TRAK1: variants seen among roughly 807,000 people sequenced by gnomAD.
TRAK1 encodes the protein trafficking kinesin protein 1, also known as trafficking kinesin-binding protein 1.
Under a neutral mutation model 92.1 loss-of-function variants are expected in TRAK1, and 33 were observed. The ratio of observed to expected loss-of-function variants is 0.36; its 90% CI spans 0.27 to 0.48. The LOEUF is 0.48. TRAK1 is among the 20% of genes least tolerant of loss of function. The pLI is 0.99. For synonymous variants in TRAK1, 521 were observed against 517.3 expected (o/e 1.01, Z -0.10); for missense variants, 1,123 against 1,257.9 (o/e 0.89, Z 1.62).
chr3:42,140,487 C>T (rs531274437), intron 2 of TRAK1, among the ~76,000 whole-genome samples: 1 of 152,106 alleles, frequency 6.6e-6, no homozygotes, highest in Non-Finnish European at 1.5e-5. Context: ...ATTAGCCACG[C>T]GTGGTGGCAC....
At chr3:42,098,827 G>T (rs1248800173) in intron 1 of TRAK1, among the ~76,000 whole-genome samples, 2 of 152,150 alleles carry the variant, frequency 1.3e-5, no homozygotes, top group African/African-American at 4.8e-5. Context: ...TGGACAGGTG[G>T]TTTCATCCAG....
intron 1 of TRAK1, among the ~76,000 whole-genome samples, chr3:42,042,713 G>C (rs573290288): frequency 6.6e-6 from 1 of 152,038 alleles, no homozygotes; most frequent in Admixed American, 6.6e-5. Context: ...CTTCTGAGTA[G>C]AAATTTCTTC....
intron 1 of TRAK1, among the ~76,000 whole-genome samples, chr3:42,024,625 A>G (rs1460680634): frequency 1.3e-5 from 2 of 152,254 alleles, no homozygotes; most frequent in Admixed American, 1.3e-4. Flanking sequence ...TTAACAGTAG[A>G]TGAAGTTAAT....
intron 1 of TRAK1, among the ~76,000 whole-genome samples, chr3:42,123,960 T>TA (rs1203506157): frequency 2.0e-5 from 3 of 152,014 alleles, no homozygotes; most frequent in Non-Finnish European, 4.4e-5. Flanking sequence ...CTGGGCAACA[T>TA]AGGGACCTTG....
chr3:42,097,980 T>C (rs138859614), intron 1 of TRAK1, among the ~76,000 whole-genome samples: 3 of 152,290 alleles, frequency 2.0e-5, no homozygotes, highest in African/African-American at 4.8e-5. Context: ...CGGAGGAGTA[T>C]CTTGGAGGAC....
At chr3:42,176,285 T>C (rs1249414530) in intron 2 of TRAK1, among the ~76,000 whole-genome samples, 1 of 152,208 alleles carries the variant, frequency 6.6e-6, no homozygotes, top group African/African-American at 2.4e-5. Context: ...AACCTTAGAA[T>C]GTAGGCCACT....
In TRAK1 at chr3:42,176,900, C is replaced by T. The variant is rs371709809; in HGVS notation, c.363+10C>T. On this transcript the variant is annotated intron_variant, in intron 3 of 15. Transcript: ENST00000327628. ...TCGGCTTCTTGAGGAGGTAAGTGCT[C>T]CAGGGGAAGGCAAAAGAGTTGTTTA... 1.6e-5 allele frequency: 26 copies of T among 1,612,892 alleles called. No homozygotes were observed. In the African/African-American group the frequency reaches 3.1e-4, roughly 19 times the overall value.
chr3:42,210,080 G>A (rs747396986), intron 14 of TRAK1, 95 bp downstream of exon 14: 12 of 1,583,848 alleles, frequency 7.6e-6, no homozygotes, highest in East Asian at 6.9e-5. Flanking sequence ...AGCCGCCAGC[G>A]GCCACGGAGG....
chr3:42,223,064 C>G lies in TRAK1; in HGVS notation c.2189C>G (p.Ser730Cys), dbSNP rs1309423018. ...GAGTCCTTCACTAACACCCGTGAGT[C>G]CACGACCACCATGAGCACATCCCTG... Reference protein sequence around the residue: ...LAESFTNTRESTTTMSTSLGL... With the variant: ...LAESFTNTRECTTTMSTSLGL... The change falls in exon 16 of 16, where the codon TCC (serine) becomes TGC (cysteine). Residue 730 changes from serine to cysteine, a missense_variant. Around this residue, in one of 3 missense-constraint regions of TRAK1, gnomAD observed 401 missense variants for 438.9 expected, o/e 0.91. Coordinates refer to ENST00000327628, the MANE Select transcript of TRAK1 (RefSeq NM_001042646.3). The surrounding 1 kb of genome is among the most constrained non-coding windows in gnomAD (Gnocchi z 6.1). The G allele has an allele frequency of 1.9e-6, 3 of 1,614,108 alleles. No homozygotes were observed. The highest frequency in any genetic ancestry group is 2.5e-6 in the Non-Finnish European group (3 of 1,180,028).
intron 2 of TRAK1, among the ~76,000 whole-genome samples, chr3:42,163,245 C>T (rs1701471478): frequency 2.6e-5 from 4 of 152,158 alleles, no homozygotes; most frequent in Admixed American, 2.6e-4. Flanking sequence ...TGACCAGCAG[C>T]ATCAGGATCA....
chr3:42,066,180 G>A (rs1703667628), intron 1 of TRAK1, among the ~76,000 whole-genome samples: 1 of 152,078 alleles, frequency 6.6e-6, no homozygotes, highest in East Asian at 1.9e-4. Context: ...CCAAAGATTA[G>A]CCAGGCATGG....
At chr3:42,213,014 A>T (rs1298832215) in intron 14 of TRAK1, among the ~76,000 whole-genome samples, 5 of 151,486 alleles carry the variant, frequency 3.3e-5, no homozygotes, top group Non-Finnish European at 1.5e-5. Context: ...CTTACCTGGC[A>T]GTGGCCCTGC....
chr3:42,071,575 G>T (rs1417638384), intron 1 of TRAK1, among the ~76,000 whole-genome samples: 1 of 152,110 alleles, frequency 6.6e-6, no homozygotes, highest in Non-Finnish European at 1.5e-5. Flanking sequence ...GGTTTTGGTG[G>T]TGGGCGCCTG....
chr3:42,207,599 G>A (rs1708475388), intron 13 of TRAK1, among the ~76,000 whole-genome samples: 1 of 152,180 alleles, frequency 6.6e-6, no homozygotes, highest in Non-Finnish European at 1.5e-5. Context: ...GTTTCAAGGA[G>A]TGAGCTGATA....
chr3:42,186,157 G>GT (rs998418713), intron 4 of TRAK1, among the ~76,000 whole-genome samples: 5 of 150,792 alleles, frequency 3.3e-5, no homozygotes, highest in Non-Finnish European at 7.4e-5. Context: ...TAATTTTTGT[G>GT]TTTTTTATAG....
At chr3:42,091,612 C>A in intron 1 of TRAK1, 52 bp downstream of exon 1, 3 of 1,557,844 alleles carry the variant, frequency 1.9e-6, no homozygotes, top group Admixed American at 1.9e-5. Flanking sequence ...GTGGTGTGGT[C>A]GGAAAGGAGA....
chr3:42,176,404 G>T (rs1260266476), intron 2 of TRAK1, among the ~76,000 whole-genome samples: 1 of 152,158 alleles, frequency 6.6e-6, no homozygotes, highest in Non-Finnish European at 1.5e-5. Flanking sequence ...GTATGGTTGG[G>T]TCTGTATGGT....
At chr3:42,197,000 T>TCACACACACACACACACA (rs60649090) in intron 10 of TRAK1, among the ~76,000 whole-genome samples, 1 of 131,078 alleles carries the variant, frequency 7.6e-6, no homozygotes, top group African/African-American at 2.9e-5. Context: ...TCTCTCTCTC[T>TCACACACACACACACACA]CTCACACACA....
Position 42,139,089 on chromosome 3 carries a change from A to G in TRAK1, c.286+13475A>G, listed in dbSNP as rs556965887. ...TAATTCCCAGGAACTTTTCATTATCATCTGCTAACAAAGCTAATGGCAAGA... is the reference window on the plus strand; with the variant it reads ...TAATTCCCAGGAACTTTTCATTATCGTCTGCTAACAAAGCTAATGGCAAGA... On this transcript the variant is annotated intron_variant, in intron 2 of 15. Coordinates refer to ENST00000327628, the MANE Select transcript of TRAK1 (RefSeq NM_001042646.3). Among the ~76,000 whole-genome samples, 7 of 152,234 alleles carry G rather than the reference A, an allele frequency of 4.6e-5. No individual in the cohort carries two copies. In the South Asian group the frequency reaches 1.5e-3, roughly 32 times the overall value.
Sources: allele counts gnomAD v4.1 joint callset (sites outside exome capture counted in the v4.1 genomes callset), GRCh38; gene constraint gnomAD v4.1.1; regional missense constraint gnomAD v4.1.1; non-coding constraint Gnocchi (gnomAD v3.1); transcripts MANE v1.5; gene names NCBI Gene and HGNC (gene_info 2026-07-23, HGNC 2026-07-21).